The following ROBO2 variants were observed in gnomAD, a reference collection of about 807,000 sequenced individuals.
The protein encoded by ROBO2 is roundabout homolog 2.
ROBO2 carries 53 observed loss-of-function variants against 160.8 expected under a neutral mutation model. The observed-to-expected ratio is 0.33, with a 90% CI of 0.26 to 0.41. The LOEUF (loss-of-function observed/expected upper bound fraction) is 0.41, where lower values mean the gene tolerates loss of function less well. ROBO2 is among the 10% of genes least tolerant of loss of function. The pLI, the probability that ROBO2 is intolerant of heterozygous loss-of-function variation, is 1.00. For missense variants in ROBO2, 1,577 were observed against 1,722.4 expected (o/e 0.92, Z 1.49); for synonymous variants, 664 against 611.7 (o/e 1.09, Z -1.26).
intron 2 of ROBO2, among the ~76,000 whole-genome samples, chr3:76,511,413 G>T (rs2081081848): frequency 6.6e-6 from 1 of 152,148 alleles, no homozygotes; most frequent in Non-Finnish European, 1.5e-5. Context: ...GCAAAATATT[G>T]TCATTCCTTT....
At chr3:77,040,268 A>C in exon 1 of ROBO2, 1 of 994,634 alleles carries the variant, frequency 1.0e-6, no homozygotes, top group Non-Finnish European at 1.2e-6. Flanking sequence ...TTAAGTAAAA[A>C]TATAGACATA....
intron 2 of ROBO2, among the ~76,000 whole-genome samples, chr3:76,617,546 T>C (rs1317315741): frequency 2.6e-5 from 4 of 152,172 alleles, no homozygotes; most frequent in Non-Finnish European, 5.9e-5. Context: ...TCTTCATTTA[T>C]TTTTCATTCA....
intron 2 of ROBO2, among the ~76,000 whole-genome samples, chr3:76,404,489 G>A (rs2108782156): frequency 6.6e-6 from 1 of 151,602 alleles, no homozygotes; most frequent in East Asian, 1.9e-4. Context: ...ATTAGAGTTA[G>A]GAGGTTTGGA....
chr3:76,272,520 G>C (rs1211940982), intron 2 of ROBO2, among the ~76,000 whole-genome samples: 2 of 150,452 alleles, frequency 1.3e-5, no homozygotes, highest in Non-Finnish European at 3.0e-5. Context: ...AAAATTAGCT[G>C]GGCGTGGTGG....
chr3:76,000,630 A>G (rs1334344289), intron 2 of ROBO2, among the ~76,000 whole-genome samples: 1 of 151,808 alleles, frequency 6.6e-6, no homozygotes, highest in Non-Finnish European at 1.5e-5. Flanking sequence ...CTGGGACTAC[A>G]GGTGCCTGCC....
At chr3:76,385,588 T>C (rs557155419) in intron 2 of ROBO2, among the ~76,000 whole-genome samples, 21 of 152,346 alleles carry the variant, frequency 1.4e-4, no homozygotes, top group African/African-American at 5.0e-4. Context: ...TTTGGTTACA[T>C]GCAAAAATAG....
At chr3:76,454,136 C>G (rs1029465261) in intron 2 of ROBO2, among the ~76,000 whole-genome samples, 5 of 152,062 alleles carry the variant, frequency 3.3e-5, no homozygotes, top group African/African-American at 7.2e-5. Context: ...CTTAAGAAAC[C>G]TTTTGTGAGT....
chr3:77,307,378 C>A (rs981105405), intron 2 of ROBO2, among the ~76,000 whole-genome samples: 8 of 151,914 alleles, frequency 5.3e-5, no homozygotes, highest in African/African-American at 1.9e-4. Context: ...TAGAGTTTAC[C>A]ATCTTGGCTA....
chr3:77,566,554 T>G (rs1182136592), intron 12 of ROBO2, among the ~76,000 whole-genome samples: 3 of 152,102 alleles, frequency 2.0e-5, no homozygotes, highest in Non-Finnish European at 4.4e-5. Flanking sequence ...AGTTTTTGTG[T>G]GTAGCCAGTG....
At chr3:77,175,943 A>G (rs2080110074) in intron 2 of ROBO2, among the ~76,000 whole-genome samples, 2 of 152,056 alleles carry the variant, frequency 1.3e-5, no homozygotes. Context: ...TTTTGGAAGT[A>G]TCTAGCCAAA....
chr3:77,120,275 A>C (rs1252148972), intron 2 of ROBO2, among the ~76,000 whole-genome samples: 1 of 152,228 alleles, frequency 6.6e-6, no homozygotes, highest in Non-Finnish European at 1.5e-5. Flanking sequence ...GAACTAAGTC[A>C]ATGATGTTGA....
chr3:76,823,051 C>A (rs1344722772), intron 2 of ROBO2, among the ~76,000 whole-genome samples: 1 of 152,070 alleles, frequency 6.6e-6, no homozygotes, highest in East Asian at 1.9e-4. Flanking sequence ...GCCTGTCTTA[C>A]CATTCCTTAT....
chr3:76,219,630 C>T (rs1473757863), intron 2 of ROBO2, among the ~76,000 whole-genome samples: 1 of 152,132 alleles, frequency 6.6e-6, no homozygotes, highest in Non-Finnish European at 1.5e-5. Flanking sequence ...CAGTGAGATA[C>T]CATCTCACAC....
chr3:77,413,783 T>C (rs141612843), intron 2 of ROBO2, among the ~76,000 whole-genome samples: 2 of 152,172 alleles, frequency 1.3e-5, no homozygotes, highest in Non-Finnish European at 2.9e-5. Flanking sequence ...AAGAACAGAA[T>C]TGCCACTTAC....
At chr3:77,400,669 G>A (rs567118657) in intron 2 of ROBO2, among the ~76,000 whole-genome samples, 21 of 152,132 alleles carry the variant, frequency 1.4e-4, no homozygotes, top group African/African-American at 3.9e-4. Flanking sequence ...CCTTGTAATC[G>A]TTCAAGAATC....
intron 2 of ROBO2, among the ~76,000 whole-genome samples, chr3:76,682,765 G>A (rs977599558): frequency 1.3e-5 from 2 of 152,130 alleles, no homozygotes; most frequent in African/African-American, 4.8e-5. Context: ...TCTTGCCAAA[G>A]GTGCTACCAT....
intron 2 of ROBO2, among the ~76,000 whole-genome samples, chr3:76,278,764 A>G (rs140436549): frequency 0.012 from 1,851 of 152,102 alleles, 24 homozygotes; most frequent in Middle Eastern, 0.041. Context: ...TTTAGGGGGA[A>G]TAGAGAAAGA....
chr3:76,149,794 A>G (rs2072085309), intron 2 of ROBO2, among the ~76,000 whole-genome samples: 1 of 148,122 alleles, frequency 6.8e-6, no homozygotes, highest in Non-Finnish European at 1.5e-5. Flanking sequence ...TCATCAGTCT[A>G]AAACACACAT....
At chr3:76,601,256 A>G (rs976755362) in intron 2 of ROBO2, among the ~76,000 whole-genome samples, 3 of 152,106 alleles carry the variant, frequency 2.0e-5, no homozygotes, top group Non-Finnish European at 2.9e-5. Context: ...CTCTAAGTGG[A>G]TCTACCGTTC....
Sources: allele counts gnomAD v4.1 joint callset (sites outside exome capture counted in the v4.1 genomes callset), GRCh38; gene constraint gnomAD v4.1.1; transcripts MANE v1.5; gene names NCBI Gene and HGNC (gene_info 2026-07-23, HGNC 2026-07-21).